The following MCF2L2 variants were observed in gnomAD, a reference collection of about 807,000 sequenced individuals.
The protein encoded by MCF2L2 is MCF.2 cell line derived transforming sequence-like 2, also known as probable guanine nucleotide exchange factor MCF2L2.
A neutral mutation model predicts 150.2 loss-of-function variants in MCF2L2; 102 were observed. The ratio of observed to expected loss-of-function variants is 0.68; its 90% CI spans 0.58 to 0.80. The LOEUF (loss-of-function observed/expected upper bound fraction) is 0.80, where lower values mean the gene tolerates loss of function less well. Among genes scored for constraint, MCF2L2 ranks in the 30% least tolerant of loss-of-function variants. The pLI is 0.00. For missense variants in MCF2L2, 1,256 were observed against 1,372.8 expected, an observed-to-expected ratio of 0.91 and a Z score of 1.34; for synonymous variants, 465 against 491.3, an observed-to-expected ratio of 0.95 and a Z score of 0.71.
At chr3:183,187,109 T>G (rs984659434) in intron 27 of MCF2L2, among the ~76,000 whole-genome samples, 2 of 152,172 alleles carry the variant, frequency 1.3e-5, no homozygotes, top group African/African-American at 4.8e-5. Context: ...ATTGAAATAC[T>G]AGAGTGCCCC....
chr3:183,274,193 C>G (rs548307619), intron 15 of MCF2L2, among the ~76,000 whole-genome samples: 1 of 150,414 alleles, frequency 6.6e-6, no homozygotes, highest in Non-Finnish European at 1.5e-5. Flanking sequence ...CCAACCTGGA[C>G]GACAGAGCGA....
At chr3:183,262,524 G>A (rs1725707661) in intron 15 of MCF2L2, among the ~76,000 whole-genome samples, 1 of 151,902 alleles carries the variant, frequency 6.6e-6, no homozygotes, top group East Asian at 1.9e-4. Context: ...CCCTTAAATT[G>A]TGCACCTAAA....
intron 10 of MCF2L2, among the ~76,000 whole-genome samples, chr3:183,306,545 G>A (rs1496802): frequency 0.26 from 39,668 of 152,076 alleles, 5,549 homozygotes; most frequent in Non-Finnish European, 0.31. Flanking sequence ...AGGGAAGAAA[G>A]TGGCGAGAAA....
At chr3:183,336,584 C>G (rs1369219560) in intron 5 of MCF2L2, among the ~76,000 whole-genome samples, 2 of 151,630 alleles carry the variant, frequency 1.3e-5, no homozygotes, top group Non-Finnish European at 2.9e-5. Context: ...GTGGTGGCTC[C>G]CACTTGTAAT....
At chr3:183,187,858 T>A (rs1721750908) in intron 27 of MCF2L2, among the ~76,000 whole-genome samples, 1 of 152,126 alleles carries the variant, frequency 6.6e-6, no homozygotes, top group South Asian at 2.1e-4. Flanking sequence ...TACTGAATCT[T>A]ACCTTCTTCC....
intron 23 of MCF2L2, 125 bp downstream of exon 23, chr3:183,207,483 G>T: frequency 1.4e-6 from 1 of 708,986 alleles, no homozygotes; most frequent in Non-Finnish European, 2.4e-6. Context: ...CTAGCCCTGT[G>T]GTGTGGTATT....
intron 15 of MCF2L2, chr3:183,253,313 C>T (rs917790248): frequency 6.6e-6 from 1 of 151,964 alleles, no homozygotes; most frequent in Non-Finnish European, 1.5e-5. Context: ...GTCCAGTCCT[C>T]GCCCAAGATT....
intron 1 of MCF2L2, among the ~76,000 whole-genome samples, chr3:183,398,907 A>AG (rs1376424221): frequency 6.6e-6 from 1 of 152,194 alleles, no homozygotes; most frequent in Non-Finnish European, 1.5e-5. Flanking sequence ...CTTCTTTAGT[A>AG]GGGAAAAAAA....
At chr3:183,385,974 TAAG>T (rs780701249) in intron 2 of MCF2L2, among the ~76,000 whole-genome samples, 8 of 152,264 alleles carry the variant, frequency 5.3e-5, no homozygotes, top group Non-Finnish European at 1.0e-4. Context: ...AGTTGACAAA[TAAG>T]AAGAAAACAT....
intron 14 of MCF2L2, among the ~76,000 whole-genome samples, chr3:183,284,194 C>G (rs1727662988): frequency 6.6e-6 from 1 of 152,136 alleles, no homozygotes; most frequent in Admixed American, 6.6e-5. Flanking sequence ...TCTTATTCAG[C>G]TCCCTCAACA....
chr3:183,307,941 G>A (rs1729178785), intron 10 of MCF2L2, among the ~76,000 whole-genome samples: 1 of 152,150 alleles, frequency 6.6e-6, no homozygotes, highest in Non-Finnish European at 1.5e-5. Context: ...CTCTTGCTTT[G>A]ATACTATTCC....
rs1396771956 is a variant in MCF2L2 at position 183,270,289 on chromosome 3, C to G, written c.1862+6583G>C. On this transcript the variant is annotated intron_variant, in intron 15 of 29. Coordinates refer to ENST00000328913, the MANE Select transcript of MCF2L2 (RefSeq NM_015078.4). This position sits in a 1 kb window ranked among gnomAD's most constrained non-coding sequence, Gnocchi z 4.5. Reference sequence around the variant, plus strand: ...ATAATTCAGCAAGACTTTGTTGATTCTTTCTACAATCTTACTCTGAAATTA... The same window carrying G: ...ATAATTCAGCAAGACTTTGTTGATTGTTTCTACAATCTTACTCTGAAATTA... 5 of 1,614,032 alleles carry G rather than the reference C, an allele frequency of 3.1e-6. No homozygotes were observed. In the African/African-American group the frequency reaches 5.3e-5, roughly 17 times the overall value.
At chr3:183,268,090 G>C (rs1726334671) in intron 15 of MCF2L2, among the ~76,000 whole-genome samples, 1 of 152,218 alleles carries the variant, frequency 6.6e-6, no homozygotes, top group Non-Finnish European at 1.5e-5. Context: ...TCCCAGAGAA[G>C]GATGTCTGTA....
chr3:183,201,678 A>G (rs1722290319), intron 25 of MCF2L2, among the ~76,000 whole-genome samples: 1 of 152,226 alleles, frequency 6.6e-6, no homozygotes, highest in Admixed American at 6.5e-5. Context: ...AGGAGTGGTG[A>G]GAGAGGGCAT....
chr3:183,241,477 T>G (rs147990885), intron 15 of MCF2L2, among the ~76,000 whole-genome samples: 1 of 152,190 alleles, frequency 6.6e-6, no homozygotes, highest in South Asian at 2.1e-4. Context: ...GTTCTCATGA[T>G]AGTGAATAAG....
At chr3:183,358,538 C>T (rs1336867161) in intron 3 of MCF2L2, among the ~76,000 whole-genome samples, 1 of 152,072 alleles carries the variant, frequency 6.6e-6, no homozygotes, top group Non-Finnish European at 1.5e-5. Context: ...AATGGTGTGC[C>T]GCTCATGAAA....
intron 14 of MCF2L2, among the ~76,000 whole-genome samples, chr3:183,284,566 G>A (rs1727685838): frequency 6.6e-6 from 1 of 152,104 alleles, no homozygotes; most frequent in Non-Finnish European, 1.5e-5. Flanking sequence ...GCCAGGCATG[G>A]TGACAGGCAC....
Position 183,181,605 on chromosome 3 carries a change from G to A in MCF2L2, c.3017-1446C>T, listed in dbSNP as rs905473823. On this transcript the variant is annotated intron_variant, in intron 27 of 29. Transcript: ENST00000328913. The surrounding 1 kb of genome is among the most constrained non-coding windows in gnomAD (Gnocchi z 4.3). ...CAGCCCTGGGGTCCCCTTATGCCAG[G>A]AGCAAGCAGTGAGAATGGAAGAATG... is the stretch of plus-strand genomic sequence containing the variant. Among the ~76,000 whole-genome samples, 1 of 152,132 alleles carries A rather than the reference G, an allele frequency of 6.6e-6. No homozygotes were observed. Among genetic ancestry groups the A allele is most frequent in the African/African-American group, 2.4e-5 (1 of 41,426 alleles).
chr3:183,316,832 A>G lies in MCF2L2; in HGVS notation c.753+1236T>C, dbSNP rs1317596686. Reference sequence around the variant, plus strand: ...GCAATTCTTTCACCTCAGCCTCCTGAGTAGCTGGGATTACAGGCACCTGCC... The same window carrying G: ...GCAATTCTTTCACCTCAGCCTCCTGGGTAGCTGGGATTACAGGCACCTGCC... On this transcript the variant is annotated intron_variant, in intron 7 of 29. Transcript: ENST00000328913. Among the ~76,000 whole-genome samples the G allele has an allele frequency of 2.0e-5, 3 of 151,862 alleles. No homozygotes were observed. The East Asian group carries it at 5.8e-4, about 29-fold the overall frequency.
Sources: allele counts gnomAD v4.1 joint callset (sites outside exome capture counted in the v4.1 genomes callset), GRCh38; gene constraint gnomAD v4.1.1; non-coding constraint Gnocchi (gnomAD v3.1); transcripts MANE v1.5; gene names NCBI Gene and HGNC (gene_info 2026-07-23, HGNC 2026-07-21).